The following IGSF5 variants were observed in gnomAD, a reference collection of about 807,000 sequenced individuals.
IGSF5 encodes immunoglobulin superfamily member 5, also known as immunoglobulin superfamily 5 like.
IGSF5 carries 41 observed loss-of-function variants against 39.4 expected under a neutral mutation model. The ratio of observed to expected loss-of-function variants is 1.04; its 90% CI spans 0.81 to 1.35. The LOEUF (loss-of-function observed/expected upper bound fraction) is 1.35. Among genes scored for constraint, IGSF5 ranks in the 40% most tolerant of loss-of-function variants. The pLI, the probability that IGSF5 is intolerant of heterozygous loss-of-function variation, is 0.00. For missense variants in IGSF5, 487 were observed against 494.6 expected, an observed-to-expected ratio of 0.98 and a Z score of 0.15; for synonymous variants, 183 against 175.3, an observed-to-expected ratio of 1.04 and a Z score of -0.34.
rs369860444 is a variant in IGSF5, at chr21:39,765,320, T to G, written c.101-215T>G. The stretch of plus-strand genomic sequence containing the variant: ...ATTCAACCCAATACAGCTGTAGAGT[T>G]AGGGGGTAGAGTGGAAAGGAGGGCA... On this transcript the variant is annotated intron_variant, in intron 2 of 8. Transcript: ENST00000380588. Among the ~76,000 whole-genome samples the G allele has an allele frequency of 1.6e-4, 24 of 152,158 alleles. No individual in the cohort carries two copies. The East Asian group carries it at 4.4e-3, about 28-fold the overall frequency.
intron 2 of IGSF5, among the ~76,000 whole-genome samples, chr21:39,758,176 G>A (rs1440166511): frequency 6.6e-6 from 1 of 152,164 alleles, no homozygotes. Context: ...CACTTGGAGT[G>A]TAGGGGGAAG....
intron 2 of IGSF5, among the ~76,000 whole-genome samples, chr21:39,763,728 C>T (rs182371942): frequency 6.6e-5 from 10 of 152,266 alleles, no homozygotes; most frequent in Admixed American, 5.2e-4. Context: ...TGCCATTGAC[C>T]CGAGGTGGGA....
chr21:39,715,818 C>T, the IGSF5 span, among the ~76,000 whole-genome samples: 1 of 150,226 alleles, frequency 6.7e-6, no homozygotes, highest in Non-Finnish European at 1.5e-5. Context: ...AGTCTTCTTC[C>T]AACTTTAGGG....
chr21:39,730,173 G>T, the IGSF5 span: 1 of 152,330 alleles, frequency 6.6e-6, no homozygotes, highest in East Asian at 1.9e-4. Flanking sequence ...ATGTTCCTGG[G>T]TTAGTGGCAG....
At chr21:39,776,735 C>G (rs543516946) in intron 4 of IGSF5, among the ~76,000 whole-genome samples, 1 of 152,234 alleles carries the variant, frequency 6.6e-6, no homozygotes, top group South Asian at 2.1e-4. Context: ...TTGGCACACT[C>G]GTATTTCTGT....
intron 2 of IGSF5, among the ~76,000 whole-genome samples, chr21:39,753,078 C>T (rs1815864366): frequency 6.6e-6 from 1 of 152,102 alleles, no homozygotes; most frequent in Admixed American, 6.5e-5. Context: ...AAGCTAATGT[C>T]CAGGCATTTT....
intron 2 of IGSF5, among the ~76,000 whole-genome samples, chr21:39,752,059 T>C (rs2146271898): frequency 6.6e-6 from 1 of 152,280 alleles, no homozygotes; most frequent in South Asian, 2.1e-4. Flanking sequence ...GTACTGGTGG[T>C]TTTTGGTTAC....
the IGSF5 span, among the ~76,000 whole-genome samples, chr21:39,713,693 GC>G: frequency 6.6e-6 from 1 of 152,210 alleles, no homozygotes; most frequent in Admixed American, 6.5e-5. Context: ...GGTGGGAAAT[GC>G]TGCCTCCAGA....
chr21:39,723,353 A>C, the IGSF5 span, among the ~76,000 whole-genome samples: 1 of 152,186 alleles, frequency 6.6e-6, no homozygotes, highest in Non-Finnish European at 1.5e-5. Context: ...GACTATGTGC[A>C]CCATCCAAGT....
At chr21:39,798,724 G>C (rs1235750656) in intron 8 of IGSF5, among the ~76,000 whole-genome samples, 1 of 152,228 alleles carries the variant, frequency 6.6e-6, no homozygotes, top group East Asian at 1.9e-4. Flanking sequence ...GGAAATGGCA[G>C]AATTTGCTGC....
chr21:39,791,399 G>A (rs1278298092), intron 6 of IGSF5, among the ~76,000 whole-genome samples: 1 of 152,174 alleles, frequency 6.6e-6, no homozygotes, highest in Non-Finnish European at 1.5e-5. Context: ...GAGGTCAAGT[G>A]TGACTATTTA....
chr21:39,756,712 T>C (rs2080032214), intron 2 of IGSF5, among the ~76,000 whole-genome samples: 1 of 152,128 alleles, frequency 6.6e-6, no homozygotes, highest in Admixed American at 6.5e-5. Context: ...GTTCATGACA[T>C]GTTCAGCACA....
intron 6 of IGSF5, among the ~76,000 whole-genome samples, chr21:39,790,520 T>C (rs1305640951): frequency 1.3e-5 from 2 of 152,142 alleles, no homozygotes; most frequent in African/African-American, 2.4e-5. Context: ...TAGCTGGGCA[T>C]GTTGGTGCTT....
At chr21:39,787,862 C>T (rs1350850102) in intron 5 of IGSF5, among the ~76,000 whole-genome samples, 3 of 152,110 alleles carry the variant, frequency 2.0e-5, no homozygotes, top group Non-Finnish European at 4.4e-5. Context: ...TCTCACTCAT[C>T]AAATTCAATA....
chr21:39,776,289 A>G (rs1474065582), intron 4 of IGSF5, among the ~76,000 whole-genome samples: 2 of 152,026 alleles, frequency 1.3e-5, no homozygotes, highest in African/African-American at 2.4e-5. Context: ...CCAGCACTAA[A>G]TCATGCCTCT....
At chr21:39,793,681 G>GTGAT in intron 8 of IGSF5, 68 bp downstream of exon 8, 1 of 1,278,410 alleles carries the variant, frequency 7.8e-7, no homozygotes, top group South Asian at 1.2e-5. Flanking sequence ...CTTGTTGTGG[G>GTGAT]TGATTATAAA....
chr21:39,779,298 A>G lies in IGSF5; in HGVS notation c.927A>G (p.Arg309=), dbSNP rs753107016. 11 of 1,611,694 alleles carry G rather than the reference A, an allele frequency of 6.8e-6. No individual in the cohort carries two copies. In the African/African-American group the frequency reaches 1.3e-4, roughly 20 times the overall value. ...CCCRCCFCCR[R]KRGFRIQFQK... ...GCCGTTGTTGTTTCTGCTGTAGAAG[A>G]AAAAGAGGTAATTTTTTTGTTCATT... The change falls in exon 5 of 9, where the codon AGA becomes AGG. Residue 309 remains arginine (R), a synonymous_variant. Coordinates refer to ENST00000380588, the MANE Select transcript of IGSF5 (RefSeq NM_001080444.2).
intron 8 of IGSF5, among the ~76,000 whole-genome samples, chr21:39,798,471 G>A (rs576489384): frequency 6.6e-6 from 1 of 152,222 alleles, no homozygotes; most frequent in South Asian, 2.1e-4. Context: ...CCGGAGTCTG[G>A]GAAGGCACCC....
chr21:39,726,510 C>T, the IGSF5 span, among the ~76,000 whole-genome samples: 1 of 151,792 alleles, frequency 6.6e-6, no homozygotes, highest in African/African-American at 2.4e-5. Flanking sequence ...CACCAGTGCT[C>T]AGGCAGTGGC....
Sources: gnomAD v4.1 joint callset for allele counts (sites outside exome capture counted in the v4.1 genomes callset) on GRCh38, gnomAD v4.1.1 for gene constraint, MANE v1.5 for transcripts, NCBI Gene and HGNC (gene_info 2026-07-23, HGNC 2026-07-21) for gene names.